The following BMAL2 variants were observed in gnomAD, a reference collection of about 807,000 sequenced individuals.
BMAL2 encodes the protein basic helix-loop-helix ARNT like 2.
chr12:27,420,019 G>GCGCACGCGCA, the BMAL2 span, among the ~76,000 whole-genome samples: 2 of 147,478 alleles, frequency 1.4e-5, no homozygotes, highest in Non-Finnish European at 3.0e-5. Flanking sequence ...GTTTGCGCGT[G>GCGCACGCGCA]CACACACACA....
the BMAL2 span, among the ~76,000 whole-genome samples, chr12:27,361,645 GA>G: frequency 6.6e-6 from 1 of 152,088 alleles, no homozygotes; most frequent in Admixed American, 6.6e-5. Flanking sequence ...AAGTAAACTG[GA>G]AAGTTAAAAA....
the BMAL2 span, among the ~76,000 whole-genome samples, chr12:27,386,699 G>A: frequency 1.3e-5 from 2 of 151,992 alleles, no homozygotes; most frequent in Non-Finnish European, 2.9e-5. Context: ...GTGCGATCTC[G>A]GCTCACTGCA....
chr12:27,402,305 A>T, the BMAL2 span, among the ~76,000 whole-genome samples: 4 of 152,180 alleles, frequency 2.6e-5, no homozygotes, highest in South Asian at 8.3e-4. Context: ...AAATAATAAA[A>T]AAAAAAAAAG....
the BMAL2 span, chr12:27,390,291 C>T: frequency 6.5e-7 from 1 of 1,548,254 alleles, no homozygotes; most frequent in Non-Finnish European, 8.9e-7. Flanking sequence ...AAATTAATGT[C>T]CTAAATATTT....
the BMAL2 span, among the ~76,000 whole-genome samples, chr12:27,341,034 AG>A: frequency 2.6e-5 from 4 of 152,192 alleles, no homozygotes; most frequent in African/African-American, 9.7e-5. Flanking sequence ...TTCTAGATAC[AG>A]AATCATGTCA....
At chr12:27,401,353 G>A in the BMAL2 span, 2 of 1,613,358 alleles carry the variant, frequency 1.2e-6, no homozygotes, top group African/African-American at 1.3e-5. Flanking sequence ...TGACTGACAA[G>A]CACAAAGCAG....
At chr12:27,382,536 C>T in the BMAL2 span, among the ~76,000 whole-genome samples, 1 of 152,118 alleles carries the variant, frequency 6.6e-6, no homozygotes, top group Admixed American at 6.6e-5. Context: ...TGGAACAGGG[C>T]GTAGATTTTG....
chr12:27,401,401 T>TA, the BMAL2 span: 15 of 1,574,042 alleles, frequency 9.5e-6, no homozygotes, highest in Admixed American at 3.4e-5. Context: ...TTGGGGAATT[T>TA]AAAATGACAG....
chr12:27,353,380 A>C, the BMAL2 span, among the ~76,000 whole-genome samples: 1 of 152,234 alleles, frequency 6.6e-6, no homozygotes, highest in Non-Finnish European at 1.5e-5. Flanking sequence ...CCATAAGCAG[A>C]AGATTGAAAG....
the BMAL2 span, among the ~76,000 whole-genome samples, chr12:27,358,375 C>A: frequency 6.6e-6 from 1 of 152,048 alleles, no homozygotes; most frequent in South Asian, 2.1e-4. Flanking sequence ...TGGTCATAAT[C>A]AAAAAATCAA....
the BMAL2 span, among the ~76,000 whole-genome samples, chr12:27,354,136 T>A: frequency 6.6e-6 from 1 of 152,168 alleles, no homozygotes; most frequent in Non-Finnish European, 1.5e-5. Context: ...ACTGCAACAC[T>A]ATTCAAAATA....
At chr12:27,420,316 A>G in the BMAL2 span, 1 of 1,561,410 alleles carries the variant, frequency 6.4e-7, no homozygotes. Context: ...TATCACAATC[A>G]TTTTTTAACC....
chr12:27,384,340 C>A, the BMAL2 span, among the ~76,000 whole-genome samples: 5 of 152,096 alleles, frequency 3.3e-5, no homozygotes, highest in African/African-American at 1.2e-4. Flanking sequence ...TAACTCAGTG[C>A]TAAGGGCTGA....
chr12:27,374,320 T>C, the BMAL2 span, among the ~76,000 whole-genome samples: 1 of 152,216 alleles, frequency 6.6e-6, no homozygotes, highest in African/African-American at 2.4e-5. Context: ...ATTTTTCTTG[T>C]TATTATTCTC....
the BMAL2 span, among the ~76,000 whole-genome samples, chr12:27,409,953 T>G: frequency 6.6e-6 from 1 of 151,980 alleles, no homozygotes; most frequent in African/African-American, 2.4e-5. Context: ...CAGATACTTC[T>G]CAAAAGAAGA....
chr12:27,376,450 G>T, the BMAL2 span: 8 of 1,493,256 alleles, frequency 5.4e-6, no homozygotes, highest in Non-Finnish European at 7.4e-6. Context: ...CAAGCCTGTA[G>T]CCTAAGGCAA....
At chr12:27,401,822 C>G in the BMAL2 span, 3 of 588,416 alleles carry the variant, frequency 5.1e-6, no homozygotes, top group African/African-American at 1.9e-5. Flanking sequence ...AATTCATTTA[C>G]TGTTCATTGA....
At chr12:27,410,683 C>G in the BMAL2 span, among the ~76,000 whole-genome samples, 3 of 152,012 alleles carry the variant, frequency 2.0e-5, no homozygotes, top group Non-Finnish European at 2.9e-5. Flanking sequence ...CAACATGTCA[C>G]ATGTATACAT....
the BMAL2 span, among the ~76,000 whole-genome samples, chr12:27,359,883 T>G: frequency 6.6e-6 from 1 of 151,160 alleles, no homozygotes; most frequent in Non-Finnish European, 1.5e-5. Flanking sequence ...AGGATCTTAA[T>G]GAAGCAATAA....
Sources: allele counts gnomAD v4.1 joint callset (sites outside exome capture counted in the v4.1 genomes callset), GRCh38; gene constraint gnomAD v4.1.1; transcripts MANE v1.5; gene names NCBI Gene and HGNC (gene_info 2026-07-23, HGNC 2026-07-21).